SETD5: variants seen among roughly 807,000 people sequenced by gnomAD.
SETD5 encodes SET domain containing 5.
Under a neutral mutation model 153.3 loss-of-function variants are expected in SETD5, and 44 were observed. That is an observed-to-expected ratio of 0.29 (90% confidence interval 0.23 to 0.37). The LOEUF is 0.37. Ranked by LOEUF, SETD5 falls within the 10% of genes least tolerant of loss-of-function variation. The pLI, the probability that SETD5 is intolerant of heterozygous loss-of-function variation, is 1.00. For synonymous variants in SETD5, 716 were observed against 645.2 expected (o/e 1.11, Z -1.66); for missense variants, 1,544 against 1,768.0 (o/e 0.87, Z 2.27).
chr3:9,468,248 G>A lies in SETD5; in HGVS notation c.2725-2211G>A, dbSNP rs552697529. 3.0e-4 allele frequency among the ~76,000 whole-genome samples: 45 copies of A among 152,046 alleles called. No individual in the cohort carries two copies. The South Asian group carries it at 3.1e-3, about 11-fold the overall frequency. ...ATTTCACCAGTCTAACTCTTTCCTT[G>A]TATGTGCTTGAGATGTTTACTTACA... is the stretch of plus-strand genomic sequence containing the variant. On this transcript the variant is annotated intron_variant, in intron 18 of 22. Transcript: ENST00000402198.
intron 17 of SETD5, among the ~76,000 whole-genome samples, chr3:9,456,036 AC>A (rs1452751061): frequency 2.6e-5 from 4 of 152,246 alleles, no homozygotes; most frequent in Non-Finnish European, 5.9e-5. Context: ...CTGAGGAATT[AC>A]TTTTATTTGT....
Position 9,453,735 on chromosome 3 carries a change from A to C in SETD5, c.2347-4A>C, listed in dbSNP as rs569572217. On this transcript the variant is annotated splice_region_variant and splice_polypyrimidine_tract_variant and intron_variant, in intron 16 of 22. Transcript: ENST00000402198. Reference sequence around the variant, plus strand: ...GATAATTCTCTGGTTCTTTTCAATTATAGCGCTGGATAAAACAAGCCTTAG... The same window carrying C: ...GATAATTCTCTGGTTCTTTTCAATTCTAGCGCTGGATAAAACAAGCCTTAG... The C allele has an allele frequency of 1.9e-6, 3 of 1,579,900 alleles. No homozygotes were observed. The highest frequency in any genetic ancestry group is 4.5e-5 in the East Asian group (2 of 44,502).
At chr3:9,447,573 T>G (rs2042162710) in intron 14 of SETD5, 113 bp from the exon 15 acceptor site, 2 of 1,244,296 alleles carry the variant, frequency 1.6e-6, no homozygotes, top group Admixed American at 2.3e-5. Flanking sequence ...TTAGTGTTTC[T>G]AATCCTTATA....
intron 7 of SETD5, chr3:9,436,764 T>C: frequency 8.6e-7 from 1 of 1,161,870 alleles, no homozygotes; most frequent in Non-Finnish European, 1.2e-6. Context: ...CACTAGTTTG[T>C]GCCTTAGTTT....
At chr3:9,433,033 CTG>C (rs1382836282) in intron 3 of SETD5, among the ~76,000 whole-genome samples, 2 of 152,172 alleles carry the variant, frequency 1.3e-5, no homozygotes, top group African/African-American at 4.8e-5. Context: ...TCTTCCCACT[CTG>C]TAAAAATGGA....
rs376334779 is a variant in SETD5, at chr3:9,474,551, A to G, written c.3600A>G (p.Thr1200=). 8.9e-4 allele frequency: 1,431 copies of G among 1,613,890 alleles called. 15 individuals carry two copies. The South Asian group carries it at 0.014, about 16-fold the overall frequency. ...RVAQKGEPSP[T]WESNITEKDS... is the part of the protein sequence containing the mutation. ...CCCAAAAGGGAGAGCCCTCTCCCAC[A>G]TGGGAGAGTAACATCACAGAGAAAG... Residue 1200 remains threonine, a synonymous_variant, in exon 21 of 23, where the codon ACA becomes ACG. Coordinates refer to ENST00000402198, the MANE Select transcript of SETD5 (RefSeq NM_001080517.3).
intron 1 of SETD5, among the ~76,000 whole-genome samples, chr3:9,398,866 C>T (rs890478875): frequency 6.6e-6 from 1 of 152,224 alleles, no homozygotes; most frequent in Non-Finnish European, 1.5e-5. Context: ...TGTCTCACTT[C>T]TTGGGCGTCA....
chr3:9,464,740 T>G (rs1559475925), intron 18 of SETD5, 68 bp downstream of exon 18: 1 of 1,604,730 alleles, frequency 6.2e-7, no homozygotes. Flanking sequence ...TCATTTCAAA[T>G]ATAATACCAT....
At chr3:9,469,768 C>G (rs1301897346) in intron 18 of SETD5, among the ~76,000 whole-genome samples, 1 of 152,142 alleles carries the variant, frequency 6.6e-6, no homozygotes, top group Non-Finnish European at 1.5e-5. Flanking sequence ...TACATTTCAG[C>G]ATTTCAGAAT....
intron 18 of SETD5, among the ~76,000 whole-genome samples, chr3:9,465,672 C>G (rs1472255384): frequency 6.6e-6 from 1 of 152,192 alleles, no homozygotes; most frequent in Non-Finnish European, 1.5e-5. Context: ...GAAAGCAGAA[C>G]TGTATTCTTT....
chr3:9,397,651 TGCCGCCGCCGCCGCC>T lies in SETD5; in HGVS notation c.-482_-468del, dbSNP rs368632604. 2.6e-4 allele frequency: 45 copies of T among 172,386 alleles called. 1 individual carries two copies. The highest frequency in any genetic ancestry group is 1.9e-3 in the South Asian group (11 of 5,938). The allele number at this position is 172,386 out of a possible 1,614,324, so 10.7% of individuals were successfully genotyped here. A position where few individuals can be genotyped will look rare whatever the true frequency, so the allele number is the denominator to read the frequency against. On this transcript the variant is annotated 5_prime_UTR_variant, in exon 1 of 23. Coordinates refer to ENST00000402198, the MANE Select transcript of SETD5 (RefSeq NM_001080517.3). ...CGCTCGGGCAGCGGGCTGAGTGAGC[TGCCGCCGCCGCCGCC>T]GCCGCCGCCGCCGCCGCCGCTGCCG...
chr3:9,443,428 A>G lies in SETD5; in HGVS notation c.1187+11A>G, dbSNP rs372071329. The G allele has an allele frequency of 3.8e-6, 5 of 1,326,576 alleles. No homozygotes were observed. The East Asian group carries it at 1.4e-4, about 38-fold the overall frequency. 82.2% of individuals were successfully genotyped at this position (1,326,576 alleles called of 1,614,324 possible). ...TGAGTATAGTAACTGGTAAGACCTC[A>G]GAAACCTTTCCTAACAGGAATATCC... On this transcript the variant is annotated intron_variant, in intron 11 of 22. Transcript: ENST00000402198.
chr3:9,472,868 C>G (rs1042468516), intron 19 of SETD5, among the ~76,000 whole-genome samples: 10 of 152,144 alleles, frequency 6.6e-5, no homozygotes, highest in Non-Finnish European at 2.9e-5. Flanking sequence ...TCTCCCTTCT[C>G]TAGGTACTTC....
At chr3:9,404,750 CT>C (rs1450602265) in intron 1 of SETD5, among the ~76,000 whole-genome samples, 1 of 152,152 alleles carries the variant, frequency 6.6e-6, no homozygotes, top group Non-Finnish European at 1.5e-5. Flanking sequence ...CTGGATCTTG[CT>C]AGAGGCTCTA....
chr3:9,439,539 A>C (rs2041014382), intron 7 of SETD5, among the ~76,000 whole-genome samples: 1 of 152,202 alleles, frequency 6.6e-6, no homozygotes, highest in Non-Finnish European at 1.5e-5. Context: ...CTAGCATGAC[A>C]TCATCACTGT....
At chr3:9,414,282 A>C (rs888465722) in intron 1 of SETD5, among the ~76,000 whole-genome samples, 2 of 152,218 alleles carry the variant, frequency 1.3e-5, no homozygotes, top group African/African-American at 4.8e-5. Flanking sequence ...AGATGTAGGA[A>C]GAGTTGGAAT....
intron 1 of SETD5, among the ~76,000 whole-genome samples, chr3:9,412,431 CCTA>C (rs1401018631): frequency 4.8e-5 from 6 of 125,334 alleles, no homozygotes; most frequent in African/African-American, 1.5e-4. Flanking sequence ...GAGACAAGGT[CCTA>C]CTCTGTCGCC....
chr3:9,420,740 T>C lies in SETD5; in HGVS notation c.-176-3727T>C, dbSNP rs577151597. ...TTTACTGTTCCAAATACATGAACTT[T>C]TCACTGTATCTCCAAGTGCTCTTTT... On this transcript the variant is annotated intron_variant, in intron 1 of 22. Transcript: ENST00000402198. Among the ~76,000 whole-genome samples the C allele has an allele frequency of 3.0e-4, 46 of 152,310 alleles. 1 individual carries two copies. Among genetic ancestry groups the C allele is most frequent in the Middle Eastern group, 6.8e-3 (2 of 294 alleles).
Position 9,434,258 on chromosome 3 carries a change from T to TA in SETD5, c.178-70dup, listed in dbSNP as rs1448523478. 1.3e-6 allele frequency: 2 copies of TA among 1,590,720 alleles called. No homozygotes were observed. Among genetic ancestry groups the TA allele is most frequent in the African/African-American group, 1.3e-5 (1 of 74,458 alleles). On this transcript the variant is annotated intron_variant, in intron 4 of 22. Transcript: ENST00000402198. The surrounding 1 kb of genome is among the most constrained non-coding windows in gnomAD (Gnocchi z 5.6). Reference sequence around the variant, plus strand: ...GGCCAGTGTTTGGACACTGTTGATTTAAAAAATCTTATTTTCAGGATCATA... The same window carrying TA: ...GGCCAGTGTTTGGACACTGTTGATTTAAAAAAATCTTATTTTCAGGATCATA...
Sources: gnomAD v4.1 joint callset for allele counts (sites outside exome capture counted in the v4.1 genomes callset) on GRCh38, gnomAD v4.1.1 for gene constraint, Gnocchi (gnomAD v3.1) non-coding constraint, MANE v1.5 for transcripts, NCBI Gene and HGNC (gene_info 2026-07-23, HGNC 2026-07-21) for gene names.